Variants in ABCB5 observed in about 807,000 individuals in gnomAD.
ABCB5 encodes ATP binding cassette subfamily B member 5.
In ABCB5, 155 loss-of-function variants were observed where a neutral mutation model predicts 144.2. The observed-to-expected ratio is 1.08, with a 90% CI of 0.94 to 1.23. The LOEUF is 1.23. Among genes scored for constraint, ABCB5 ranks in the 50% most tolerant of loss-of-function variants. The pLI, the probability that ABCB5 is intolerant of heterozygous loss-of-function variation, is 0.00. For synonymous variants in ABCB5, 610 were observed against 528.6 expected, an observed-to-expected ratio of 1.15 and a Z score of -2.11; for missense variants, 1,830 against 1,520.8, an observed-to-expected ratio of 1.20 and a Z score of -3.38.
Position 20,745,273 on chromosome 7 carries a change from G to T in ABCB5, c.3264G>T (p.Trp1088Cys). The T allele has an allele frequency of 3.1e-6, 5 of 1,613,992 alleles. No individual in the cohort carries two copies. Among genetic ancestry groups the T allele is most frequent in the Non-Finnish European group, 4.2e-6 (5 of 1,179,910 alleles). ...ATGCAAAAGAATTGAATGTACAGTGGCTCCGTTCCCAAATAGCAATCGTTC... is the reference window on the plus strand; with the variant it reads ...ATGCAAAAGAATTGAATGTACAGTGTCTCCGTTCCCAAATAGCAATCGTTC... ...GVDAKELNVQ[W>C]LRSQIAIVPQ... The change falls in exon 26 of 28, where the codon TGG becomes TGT. Residue 1088 changes from tryptophan (W) to cysteine (C), a missense_variant. Physicochemically the swap from Trp to Cys is radical, Grantham distance 215. Coordinates refer to ENST00000404938, the MANE Select transcript of ABCB5 (RefSeq NM_001163941.2).
chr7:20,744,831 T>C (rs1321491442), intron 25 of ABCB5, among the ~76,000 whole-genome samples: 1 of 152,130 alleles, frequency 6.6e-6, no homozygotes, highest in Non-Finnish European at 1.5e-5. Flanking sequence ...TATTGACCAC[T>C]ATTTCCCTGG....
chr7:20,719,156 A>T (rs1284360365), intron 20 of ABCB5, among the ~76,000 whole-genome samples: 1 of 152,102 alleles, frequency 6.6e-6, no homozygotes. Flanking sequence ...TTTTCTAATG[A>T]TCCTGTTTTC....
At chr7:20,753,210 AC>A in intron 26 of ABCB5, 149 bp from the exon 27 acceptor site, 1 of 949,136 alleles carries the variant, frequency 1.1e-6, no homozygotes, top group Middle Eastern at 3.4e-4. Context: ...TTTATTTGCA[AC>A]AAAGCCCAAG....
At chr7:20,652,674 C>G in intron 13 of ABCB5, among the ~76,000 whole-genome samples, 1 of 152,300 alleles carries the variant, frequency 6.6e-6, no homozygotes, top group South Asian at 2.1e-4. Context: ...ACCAGACTTA[C>G]GAGATCTTAA....
In ABCB5 at chr7:20,742,975, G is replaced by C. The variant is rs756540270; in HGVS notation, c.3123G>C (p.Glu1041Asp). Reference sequence around the variant, plus strand: ...TCCGTGGCTTATCCCTCAGTATTGAGCGAGGAAAGACAGTAGCATTTGTGG... The same window carrying C: ...TCCGTGGCTTATCCCTCAGTATTGACCGAGGAAAGACAGTAGCATTTGTGG... ...FILRGLSLSIERGKTVAFVGS... is the reference protein window; with the variant it reads ...FILRGLSLSIDRGKTVAFVGS... Residue 1041 changes from glutamate (E) to aspartate (D), a missense_variant, in exon 25 of 28, where the codon GAG becomes GAC. Coordinates refer to ENST00000404938, the MANE Select transcript of ABCB5 (RefSeq NM_001163941.2). 8.1e-6 allele frequency: 13 copies of C among 1,614,008 alleles called. No individual in the cohort carries two copies. In the African/African-American group the frequency reaches 1.6e-4, roughly 20 times the overall value.
chr7:20,618,220 A>T (rs1177243801), intron 1 of ABCB5, among the ~76,000 whole-genome samples: 1 of 152,078 alleles, frequency 6.6e-6, no homozygotes, highest in Non-Finnish European at 1.5e-5. Context: ...TTTCTCCTCC[A>T]CCCAGCAACT....
At chr7:20,647,818 T>G in intron 10 of ABCB5, 150 bp from the exon 11 acceptor site, 1 of 1,183,046 alleles carries the variant, frequency 8.5e-7, no homozygotes, top group Non-Finnish European at 1.2e-6. Context: ...GAGATTGTGT[T>G]GTATTGAAAC....
intron 14 of ABCB5, chr7:20,659,297 C>T: frequency 7.0e-7 from 1 of 1,435,896 alleles, no homozygotes. Context: ...GAACAGTTTT[C>T]TCGATGGCCT....
At chr7:20,686,919 G>A (rs370026977) in intron 16 of ABCB5, among the ~76,000 whole-genome samples, 4 of 152,010 alleles carry the variant, frequency 2.6e-5, no homozygotes, top group Non-Finnish European at 5.9e-5. Context: ...CCCTTCTCTG[G>A]CATTGCTAAT....
intron 26 of ABCB5, among the ~76,000 whole-genome samples, chr7:20,749,977 G>T (rs1157337065): frequency 6.6e-6 from 1 of 152,202 alleles, no homozygotes; most frequent in East Asian, 1.9e-4. Flanking sequence ...TATTTGATAA[G>T]CATGTAAAGG....
intron 14 of ABCB5, chr7:20,659,151 C>A (rs1784913332): frequency 1.9e-6 from 3 of 1,613,612 alleles, no homozygotes; most frequent in Admixed American, 1.7e-5. Context: ...ACAGCTCTGG[C>A]CCCTCAAACC....
At chr7:20,739,518 G>A (rs1038412259) in intron 24 of ABCB5, among the ~76,000 whole-genome samples, 9 of 151,786 alleles carry the variant, frequency 5.9e-5, no homozygotes, top group African/African-American at 1.7e-4. Flanking sequence ...GGCTGCAAAC[G>A]GGGAAAAGGG....
In ABCB5 at chr7:20,681,497, T is replaced by C; in HGVS notation, c.1708-8T>C. The C allele has an allele frequency of 6.2e-7, 1 of 1,613,832 alleles. No individual in the cohort carries two copies. The highest frequency in any genetic ancestry group is 8.5e-7 in the Non-Finnish European group (1 of 1,179,830). Reference sequence around the variant, plus strand: ...GTCTATTTATTTTCTATGCATTTTATTCTGTAGGCGAGCAAAGGTCGGACT... The same window carrying C: ...GTCTATTTATTTTCTATGCATTTTACTCTGTAGGCGAGCAAAGGTCGGACT... On this transcript the variant is annotated splice_region_variant and splice_polypyrimidine_tract_variant and intron_variant, in intron 14 of 27. Transcript: ENST00000404938.
At chr7:20,658,424 A>C (rs1377192595) in intron 13 of ABCB5, 82 bp from the exon 14 acceptor site, 41 of 1,387,096 alleles carry the variant, frequency 3.0e-5, no homozygotes, top group Admixed American at 2.6e-4. Flanking sequence ...ATATTAAAAC[A>C]CAACTGGGAT....
rs142878954 is a variant in ABCB5, at chr7:20,683,189, G to A, written c.1869+1523G>A. Among the ~76,000 whole-genome samples, 315 of 152,172 alleles carry A rather than the reference G, an allele frequency of 2.1e-3. 7 individuals are homozygous for A. In the South Asian group the frequency reaches 0.044, roughly 21 times the overall value. On this transcript the variant is annotated intron_variant, in intron 15 of 27. Coordinates refer to ENST00000404938, the MANE Select transcript of ABCB5 (RefSeq NM_001163941.2). ...TTCAAACCCTAACTTTCTCCATTGT[G>A]CTAAAATGAAATATTTCTGAACATA...
intron 14 of ABCB5, among the ~76,000 whole-genome samples, chr7:20,679,914 T>A (rs1380929801): frequency 6.6e-6 from 1 of 152,162 alleles, no homozygotes; most frequent in Non-Finnish European, 1.5e-5. Context: ...CTCTCCTAGG[T>A]GTAACACTAG....
At chr7:20,745,151 G>A (rs1782679567) in intron 25 of ABCB5, 81 bp from the exon 26 acceptor site, 12 of 1,345,358 alleles carry the variant, frequency 8.9e-6, no homozygotes, top group Non-Finnish European at 1.3e-5. Flanking sequence ...GTTATGATTT[G>A]TGTGTGTTTG....
chr7:20,616,098 C>T lies in ABCB5; in HGVS notation c.-22+261C>T, dbSNP rs369128547. On this transcript the variant is annotated intron_variant, in intron 1 of 27. Coordinates refer to ENST00000404938, the MANE Select transcript of ABCB5 (RefSeq NM_001163941.2). The stretch of plus-strand genomic sequence containing the variant: ...TCACCCAGGCTGGAGTGCAGTGGCA[C>T]GATGTTGGCTCACTGCAACCTCCGC... Among the ~76,000 whole-genome samples, 104 of 152,298 alleles carry T rather than the reference C, an allele frequency of 6.8e-4. 1 individual carries two copies. In the Middle Eastern group the frequency reaches 0.01, roughly 15 times the overall value.
At chr7:20,687,340 T>C (rs1044332046) in intron 16 of ABCB5, among the ~76,000 whole-genome samples, 4 of 152,230 alleles carry the variant, frequency 2.6e-5, no homozygotes, top group African/African-American at 9.7e-5. Flanking sequence ...GACAAAATGA[T>C]ATAATTGGTT....
Sources: allele counts gnomAD v4.1 joint callset (sites outside exome capture counted in the v4.1 genomes callset), GRCh38; gene constraint gnomAD v4.1.1; transcripts MANE v1.5; gene names NCBI Gene and HGNC (gene_info 2026-07-23, HGNC 2026-07-21).